CNTN5: variants seen among roughly 807,000 people sequenced by gnomAD.
CNTN5 encodes the protein contactin-5.
A neutral mutation model predicts 129.1 loss-of-function variants in CNTN5; 77 were observed. The ratio of observed to expected loss-of-function variants is 0.60; its 90% CI spans 0.50 to 0.72. The LOEUF (loss-of-function observed/expected upper bound fraction) is 0.72, where lower values mean the gene tolerates loss of function less well. Among genes scored for constraint, CNTN5 ranks in the 30% least tolerant of loss-of-function variants. CNTN5 has a pLI of 0.00. For synonymous variants in CNTN5, 509 were observed against 465.6 expected, an observed-to-expected ratio of 1.09 and a Z score of -1.20; for missense variants, 1,478 against 1,328.8, an observed-to-expected ratio of 1.11 and a Z score of -1.75.
At chr11:99,871,585 G>A (rs536253783) in intron 6 of CNTN5, among the ~76,000 whole-genome samples, 5 of 152,042 alleles carry the variant, frequency 3.3e-5, no homozygotes, top group Admixed American at 6.6e-5. Flanking sequence ...CTGGGAAAAC[G>A]TGATTTATAT....
chr11:99,112,883 C>T (rs866262187), intron 1 of CNTN5, among the ~76,000 whole-genome samples: 90 of 152,002 alleles, frequency 5.9e-4, no homozygotes, highest in African/African-American at 2.1e-3. Flanking sequence ...TTACTATCCC[C>T]CTTTTTTTAA....
At chr11:99,699,119 A>C (rs1459923976) in intron 3 of CNTN5, among the ~76,000 whole-genome samples, 1 of 151,384 alleles carries the variant, frequency 6.6e-6, no homozygotes, top group Non-Finnish European at 1.5e-5. Context: ...AAGATTTGAA[A>C]ATATGTAGTA....
intron 2 of CNTN5, among the ~76,000 whole-genome samples, chr11:99,380,007 T>C (rs1940434561): frequency 1.3e-5 from 2 of 152,098 alleles, no homozygotes; most frequent in Non-Finnish European, 2.9e-5. Context: ...TGTGTGAATA[T>C]AGTTATGTGT....
chr11:99,530,256 G>A (rs1391553339), intron 2 of CNTN5, among the ~76,000 whole-genome samples: 5 of 152,112 alleles, frequency 3.3e-5, no homozygotes, highest in Admixed American at 1.3e-4. Flanking sequence ...AATATTAAAT[G>A]CATTCTTAAT....
chr11:99,649,854 G>T (rs1452999014), intron 3 of CNTN5, among the ~76,000 whole-genome samples: 1 of 151,590 alleles, frequency 6.6e-6, no homozygotes, highest in Non-Finnish European at 1.5e-5. Context: ...CTTTATGTTG[G>T]TTACTTGATT....
intron 2 of CNTN5, among the ~76,000 whole-genome samples, chr11:99,508,686 C>CTTTCTTTTT (rs11281160): frequency 4.1e-5 from 6 of 146,944 alleles, no homozygotes; most frequent in Admixed American, 2.0e-4. Flanking sequence ...TCTTTTCTTT[C>CTTTCTTTTT]TTTTTTTTTT....
At chr11:99,918,777 T>A (rs1336575311) in intron 7 of CNTN5, among the ~76,000 whole-genome samples, 1 of 152,184 alleles carries the variant, frequency 6.6e-6, no homozygotes, top group East Asian at 1.9e-4. Flanking sequence ...CGTCCCCTAC[T>A]TCCAAGGCCA....
intron 1 of CNTN5, among the ~76,000 whole-genome samples, chr11:99,052,708 C>T (rs1473937620): frequency 6.6e-6 from 1 of 151,698 alleles, no homozygotes; most frequent in Non-Finnish European, 1.5e-5. Context: ...TGAAAGACAT[C>T]TAGTGGTTAC....
chr11:99,051,717 A>T (rs1864434555), intron 1 of CNTN5, among the ~76,000 whole-genome samples: 2 of 151,910 alleles, frequency 1.3e-5, no homozygotes, highest in South Asian at 4.1e-4. Context: ...ACAAATGATT[A>T]GGTATCAGTC....
intron 2 of CNTN5, among the ~76,000 whole-genome samples, chr11:99,459,144 G>A (rs1005074533): frequency 6.6e-6 from 1 of 151,958 alleles, no homozygotes. Flanking sequence ...GTGATACCAG[G>A]AAGATCTTTT....
At chr11:99,481,374 C>G (rs374218503) in intron 2 of CNTN5, among the ~76,000 whole-genome samples, 10 of 151,996 alleles carry the variant, frequency 6.6e-5, no homozygotes, top group East Asian at 5.8e-4. Context: ...TATTAGAGTG[C>G]TCTATTTTCT....
chr11:100,240,219 A>ACCCCCCCCCCCC (rs1468030423), intron 16 of CNTN5, among the ~76,000 whole-genome samples: 7 of 149,700 alleles, frequency 4.7e-5, no homozygotes, highest in African/African-American at 1.8e-4. Flanking sequence ...AATTATCAAC[A>ACCCCCCCCCCCC]CCCCGCCCCA....
At chr11:99,643,020 A>G (rs957341389) in intron 3 of CNTN5, among the ~76,000 whole-genome samples, 1 of 152,190 alleles carries the variant, frequency 6.6e-6, no homozygotes, top group Admixed American at 6.5e-5. Context: ...TCTATTCTGT[A>G]TCAACCTATT....
chr11:99,798,774 A>G (rs1359115924), intron 3 of CNTN5, among the ~76,000 whole-genome samples: 1 of 152,082 alleles, frequency 6.6e-6, no homozygotes, highest in African/African-American at 2.4e-5. Flanking sequence ...TATGAATTTT[A>G]AAATAATTTG....
intron 1 of CNTN5, among the ~76,000 whole-genome samples, chr11:99,318,140 T>C (rs190453982): frequency 6.6e-6 from 1 of 152,336 alleles, no homozygotes; most frequent in Admixed American, 6.5e-5. Flanking sequence ...TACATGTACA[T>C]TATAAGTATT....
intron 1 of CNTN5, among the ~76,000 whole-genome samples, chr11:99,037,612 G>A (rs140095795): frequency 0.012 from 1,410 of 117,406 alleles, 15 homozygotes; most frequent in Middle Eastern, 0.039. Context: ...ATGGAGTCTC[G>A]CTCTCTTACC....
At chr11:99,325,818 A>C (rs1304569985) in intron 2 of CNTN5, among the ~76,000 whole-genome samples, 1 of 152,212 alleles carries the variant, frequency 6.6e-6, no homozygotes, top group African/African-American at 2.4e-5. Context: ...AACAGTACTC[A>C]GATATAGCCT....
intron 8 of CNTN5, among the ~76,000 whole-genome samples, chr11:99,970,644 C>T (rs1291758265): frequency 1.3e-5 from 2 of 152,120 alleles, no homozygotes; most frequent in Admixed American, 6.5e-5. Flanking sequence ...TCCTATAATT[C>T]CCACAGCATT....
Position 99,314,258 on chromosome 11 carries a change from G to T in CNTN5, c.-209-11088G>T, listed in dbSNP as rs367644672. On this transcript the variant is annotated intron_variant, in intron 1 of 24. Coordinates refer to ENST00000524871, the MANE Select transcript of CNTN5 (RefSeq NM_014361.4). ...CTAGCCCAAGTAGGATGTGCATACT[G>T]GTGTGTTATAAAATATTTTAAGGAA... Among the ~76,000 whole-genome samples the T allele has an allele frequency of 4.6e-5, 7 of 151,994 alleles. No individual in the cohort carries two copies. In the East Asian group the frequency reaches 1.2e-3, roughly 25 times the overall value.
Sources: gnomAD v4.1 joint callset for allele counts (sites outside exome capture counted in the v4.1 genomes callset) on GRCh38, gnomAD v4.1.1 for gene constraint, MANE v1.5 for transcripts, NCBI Gene and HGNC (gene_info 2026-07-23, HGNC 2026-07-21) for gene names.